Variants in TMEM175 observed in about 807,000 individuals in gnomAD.
TMEM175 encodes transmembrane protein 175.
Under a neutral mutation model 36.5 loss-of-function variants are expected in TMEM175, and 36 were observed. The ratio of observed to expected loss-of-function variants is 0.99; its 90% CI spans 0.76 to 1.30. The LOEUF (loss-of-function observed/expected upper bound fraction) is 1.30. Ranked by LOEUF, TMEM175 falls within the 50% of genes most tolerant of loss-of-function variation. TMEM175 has a pLI of 0.00. For missense variants in TMEM175, 705 were observed against 692.8 expected, an observed-to-expected ratio of 1.02 and a Z score of -0.20; for synonymous variants, 339 against 313.4, an observed-to-expected ratio of 1.08 and a Z score of -0.86.
At chr4:943,738 C>T (rs1439740905) in intron 1 of TMEM175, among the ~76,000 whole-genome samples, 2 of 152,198 alleles carry the variant, frequency 1.3e-5, no homozygotes, top group East Asian at 3.8e-4. Context: ...ACCCAAAAGT[C>T]ATGAAAACAT....
rs765986323 is a variant in TMEM175, at chr4:948,109, C to T, written c.154-7C>T. The T allele has an allele frequency of 7.4e-6, 12 of 1,614,152 alleles. No homozygotes were observed. Among genetic ancestry groups the T allele is most frequent in the Non-Finnish European group, 1.0e-5 (12 of 1,180,030 alleles). ...TCCTGCTTCCTTCTGTCTCTTTGCCCCCTCAGATCCTGCCTGTGACCCACA... is the reference window on the plus strand; with the variant it reads ...TCCTGCTTCCTTCTGTCTCTTTGCCTCCTCAGATCCTGCCTGTGACCCACA... On this transcript the variant is annotated splice_polypyrimidine_tract_variant and splice_region_variant and intron_variant, in intron 2 of 10. Transcript: ENST00000264771.
At chr4:953,791 T>C (rs987494619) in intron 8 of TMEM175, among the ~76,000 whole-genome samples, 1 of 152,208 alleles carries the variant, frequency 6.6e-6, no homozygotes, top group African/African-American at 2.4e-5. Flanking sequence ...GCTCAAGTGA[T>C]TCTCTCACCT....
In TMEM175 at chr4:958,565, G is replaced by T; in HGVS notation, c.*69G>T. Reference sequence around the variant, plus strand: ...CAGGGAGGACAGGATGCTGGGCAGGGGAAGCCAAGTCACGGGCAGGCCGCA... The same window carrying T: ...CAGGGAGGACAGGATGCTGGGCAGGTGAAGCCAAGTCACGGGCAGGCCGCA... On this transcript the variant is annotated 3_prime_UTR_variant, in exon 11 of 11. Transcript: ENST00000264771. 1 of 1,341,838 alleles carries T rather than the reference G, an allele frequency of 7.5e-7. No individual in the cohort carries two copies. Among genetic ancestry groups the T allele is most frequent in the South Asian group, 1.5e-5 (1 of 65,982 alleles). The allele number at this position is 1,341,838 out of a possible 1,614,324, so 83.1% of individuals were successfully genotyped here.
At chr4:947,915 G>C (rs1728387007) in intron 2 of TMEM175, 23 bp downstream of exon 2, 1 of 1,613,882 alleles carries the variant, frequency 6.2e-7, no homozygotes, top group Non-Finnish European at 8.5e-7. Flanking sequence ...CCCCTGCTTA[G>C]GCCTGCCCCA....
At chr4:950,863 C>CGGTGCAGTAGGTGGAGGTGTGGAT in intron 4 of TMEM175, among the ~76,000 whole-genome samples, 1 of 121,888 alleles carries the variant, frequency 8.2e-6, no homozygotes, top group Non-Finnish European at 1.7e-5. Flanking sequence ...GAGGTGTGGA[C>CGGTGCAGTAGGTGGAGGTGTGGAT]GGTGCAGTAG....
chr4:935,692 C>T (rs766422312), intron 1 of TMEM175, among the ~76,000 whole-genome samples: 4 of 152,182 alleles, frequency 2.6e-5, no homozygotes, highest in African/African-American at 4.8e-5. Context: ...ATGGAACACT[C>T]CCCACAATAA....
intron 1 of TMEM175, among the ~76,000 whole-genome samples, chr4:933,162 C>T (rs1726262471): frequency 6.6e-6 from 1 of 152,156 alleles, no homozygotes; most frequent in Admixed American, 6.5e-5. Context: ...TTGGCCCACA[C>T]AGTATTTGGG....
chr4:946,673 A>T (rs959848995), intron 1 of TMEM175, among the ~76,000 whole-genome samples: 1 of 152,166 alleles, frequency 6.6e-6, no homozygotes, highest in Non-Finnish European at 1.5e-5. Flanking sequence ...TGATATTAAA[A>T]ATGCCTGGGG....
Position 932,751 on chromosome 4 carries a change from T to C in TMEM175, c.-32+211T>C, listed in dbSNP as rs539358263. Among the ~76,000 whole-genome samples the C allele has an allele frequency of 1.3e-5, 2 of 152,360 alleles. No homozygotes were observed. Among genetic ancestry groups the C allele is most frequent in the South Asian group, 4.1e-4 (2 of 4,834 alleles). On this transcript the variant is annotated intron_variant, in intron 1 of 10. Transcript: ENST00000264771. The surrounding 1 kb of genome is among the most constrained non-coding windows in gnomAD (Gnocchi z 4.0). ...GCAAGGAGTTAGCGTGCGTTAAGCT[T>C]TCAGTAAATACTTGGTTTTCGTCTC... is the stretch of plus-strand genomic sequence containing the variant.
chr4:951,581 G>T lies in TMEM175; in HGVS notation c.343-101G>T, dbSNP rs570064465. ...TCACACTCGCTGGCCCACCCTTCTT[G>T]GGGAGGGCCCAGCCCTGTGCCTTCC... On this transcript the variant is annotated intron_variant, in intron 5 of 10. Coordinates refer to ENST00000264771, the MANE Select transcript of TMEM175 (RefSeq NM_032326.4). 4.7e-5 allele frequency: 70 copies of T among 1,480,270 alleles called. No individual in the cohort carries two copies. In the East Asian group the frequency reaches 1.5e-3, roughly 33 times the overall value. The allele number at this position is 1,480,270 out of a possible 1,614,324, so 91.7% of individuals were successfully genotyped here.
At chr4:934,171 C>T (rs1185759106) in intron 1 of TMEM175, among the ~76,000 whole-genome samples, 1 of 152,242 alleles carries the variant, frequency 6.6e-6, no homozygotes, top group Non-Finnish European at 1.5e-5. Context: ...AGGAAAGAAT[C>T]CCTGCTAGAG....
intron 8 of TMEM175, among the ~76,000 whole-genome samples, chr4:954,361 G>A (rs1476539798): frequency 6.6e-6 from 1 of 152,224 alleles, no homozygotes; most frequent in African/African-American, 2.4e-5. Context: ...TGGAGGAGGA[G>A]CCCCTGGGGA....
intron 1 of TMEM175, among the ~76,000 whole-genome samples, chr4:934,133 G>A (rs750647669): frequency 2.0e-5 from 3 of 152,260 alleles, no homozygotes; most frequent in East Asian, 1.9e-4. Flanking sequence ...TTGTCTGGTC[G>A]ACTGTGGAAT....
At chr4:957,751 C>T (rs1455505995) in intron 10 of TMEM175, 73 bp from the exon 11 acceptor site, 24 of 1,469,586 alleles carry the variant, frequency 1.6e-5, no homozygotes, top group South Asian at 1.1e-4. Flanking sequence ...CCCTGACAGG[C>T]GCTCAGCCAC....
intron 1 of TMEM175, 57 bp from the exon 2 acceptor site, chr4:947,652 C>A: frequency 1.4e-6 from 2 of 1,442,098 alleles, no homozygotes; most frequent in Non-Finnish European, 1.9e-6. Context: ...GCTGAGGCTG[C>A]ATGGCCGACC....
At position 958,204 on chromosome 4, in the gene TMEM175, C is replaced by T. The variant is rs750273196; in HGVS notation, c.1223C>T (p.Ser408Leu). ...LLHQAETLQPSVWFGGREHVL... is the reference protein window; with the variant it reads ...LLHQAETLQPLVWFGGREHVL... ...CACCAGGCGGAGACGCTGCAGCCCTCGGTGTGGTTTGGCGGCCGGGAGCAT... is the reference window on the plus strand; with the variant it reads ...CACCAGGCGGAGACGCTGCAGCCCTTGGTGTGGTTTGGCGGCCGGGAGCAT... The change falls in exon 11 of 11, where the codon TCG (serine) becomes TTG (leucine). Residue 408 changes from serine (S) to leucine (L), a missense_variant. Transcript: ENST00000264771. 1.2e-5 allele frequency: 20 copies of T among 1,602,170 alleles called. No homozygotes were observed. In the South Asian group the frequency reaches 1.5e-4, roughly 12 times the overall value.
intron 1 of TMEM175, among the ~76,000 whole-genome samples, chr4:946,671 A>G (rs1728178640): frequency 6.6e-6 from 1 of 152,120 alleles, no homozygotes; most frequent in Non-Finnish European, 1.5e-5. Context: ...TCTGATATTA[A>G]AAATGCCTGG....
In TMEM175 at chr4:956,707, G is replaced by T. The variant is rs1251461540; in HGVS notation, c.842+817G>T. On this transcript the variant is annotated intron_variant, in intron 10 of 10. Transcript: ENST00000264771. ...GATCTGCCCACCTCGGCCTCCCAAA[G>T]TGCTGGGATTACAGGTGTAAGCCAC... 78 of 342,850 alleles carry T rather than the reference G, an allele frequency of 2.3e-4. 2 individuals are homozygous for T. Among genetic ancestry groups the T allele is most frequent in the South Asian group, 1.7e-3 (77 of 44,558 alleles). 21.2% of individuals were successfully genotyped at this position (342,850 alleles called of 1,614,324 possible). A position where few individuals can be genotyped will look rare whatever the true frequency, so the allele number is the denominator to read the frequency against.
intron 8 of TMEM175, among the ~76,000 whole-genome samples, chr4:953,713 T>C (rs1482186251): frequency 6.6e-6 from 1 of 152,228 alleles, no homozygotes; most frequent in African/African-American, 2.4e-5. Flanking sequence ...TGAGGCAAGA[T>C]CTCGCTGTGT....
Sources: gnomAD v4.1 joint callset for allele counts (sites outside exome capture counted in the v4.1 genomes callset) on GRCh38, gnomAD v4.1.1 for gene constraint, Gnocchi (gnomAD v3.1) non-coding constraint, MANE v1.5 for transcripts, NCBI Gene and HGNC (gene_info 2026-07-23, HGNC 2026-07-21) for gene names.